LRRIQ1: variants seen among roughly 807,000 people sequenced by gnomAD.
LRRIQ1 encodes the protein leucine-rich repeat- and IQ domain-containing protein 1.
LRRIQ1 carries 210 observed loss-of-function variants against 211.9 expected under a neutral mutation model. That is an observed-to-expected ratio of 0.99 (90% CI 0.89 to 1.11). The LOEUF is 1.11. Ranked by LOEUF, LRRIQ1 falls within the 50% of genes most tolerant of loss-of-function variation. LRRIQ1 has a pLI of 0.00. For missense variants in LRRIQ1, 2,136 were observed against 1,939.5 expected, an observed-to-expected ratio of 1.10 and a Z score of -1.90; for synonymous variants, 699 against 650.1, an observed-to-expected ratio of 1.08 and a Z score of -1.14.
At chr12:85,149,392 A>G (rs1474627855) in intron 19 of LRRIQ1, among the ~76,000 whole-genome samples, 1 of 151,936 alleles carries the variant, frequency 6.6e-6, no homozygotes, top group Admixed American at 6.6e-5. Context: ...TCTCAGCACC[A>G]TTTATTGAAC....
chr12:85,256,177 C>G (rs901662094), intron 1 of LRRIQ1, among the ~76,000 whole-genome samples: 1 of 151,570 alleles, frequency 6.6e-6, no homozygotes, highest in African/African-American at 2.4e-5. Context: ...CAAATTTCAT[C>G]TGTATTTTGT....
At chr12:85,177,612 G>A (rs12582207) in intron 24 of LRRIQ1, among the ~76,000 whole-genome samples, 1 of 152,092 alleles carries the variant, frequency 6.6e-6, no homozygotes, top group Non-Finnish European at 1.5e-5. Flanking sequence ...AACAAGGAGT[G>A]AGATGAAGCT....
intron 11 of LRRIQ1, among the ~76,000 whole-genome samples, chr12:85,089,361 C>T (rs1260468792): frequency 6.6e-6 from 1 of 152,126 alleles, no homozygotes; most frequent in Non-Finnish European, 1.5e-5. Context: ...AACTGCATAA[C>T]AGGGAGACAT....
intron 16 of LRRIQ1, among the ~76,000 whole-genome samples, chr12:85,122,141 G>A (rs1888033095): frequency 6.6e-6 from 1 of 151,876 alleles, no homozygotes; most frequent in African/African-American, 2.4e-5. Flanking sequence ...AAGACAAGAG[G>A]CAAAAATTCA....
intron 1 of LRRIQ1, among the ~76,000 whole-genome samples, chr12:85,256,356 T>C (rs1397075864): frequency 6.6e-6 from 1 of 151,696 alleles, no homozygotes; most frequent in African/African-American, 2.4e-5. Flanking sequence ...CTTTCTTAAA[T>C]TGTTTGACTT....
intron 20 of LRRIQ1, 81 bp downstream of exon 20, chr12:85,152,450 C>G (rs920217589): frequency 2.0e-6 from 2 of 996,912 alleles, no homozygotes; most frequent in Non-Finnish European, 2.9e-6. Context: ...ATTAATAATA[C>G]AATTTATTGA....
chr12:85,245,685 G>A (rs1156588442), downstream of LRRIQ1, among the ~76,000 whole-genome samples: 1 of 150,854 alleles, frequency 6.6e-6, no homozygotes, highest in African/African-American at 2.4e-5. Context: ...TTTAACCCTA[G>A]AGAGTTTGAG....
rs533237063 is a variant in LRRIQ1 at position 85,215,269 on chromosome 12, T to C, written c.4823-14248T>C. On this transcript the variant is annotated intron_variant, in intron 24 of 26. Coordinates refer to ENST00000393217, the MANE Select transcript of LRRIQ1 (RefSeq NM_001079910.2). ...TGACACTCCAGTAGAGTTGAAGATA[T>C]GCATACCCTATCCTCCTTCAAGCAA... 6.6e-5 allele frequency among the ~76,000 whole-genome samples: 10 copies of C among 152,320 alleles called. No individual in the cohort carries two copies. In the East Asian group the frequency reaches 1.9e-3, roughly 29 times the overall value.
rs1213563013 is a variant in LRRIQ1, at chr12:85,055,943, ATAATAT to A, written c.1154_1159del (p.Ile385_Leu386del). On this transcript the variant is annotated inframe_deletion, in exon 8 of 27. Coordinates refer to ENST00000393217, the MANE Select transcript of LRRIQ1 (RefSeq NM_001079910.2). The stretch of plus-strand genomic sequence containing the variant: ...AGAGCAACTAATAAGCAAGGAAAAA[ATAATAT>A]TAAGAGAAGATGCAAGCCAACAGCT... 5 of 1,606,822 alleles carry A rather than the reference ATAATAT, an allele frequency of 3.1e-6. No homozygotes were observed. The African/African-American group carries it at 4.0e-5, about 13-fold the overall frequency.
chr12:85,270,564 T>C, the LRRIQ1 span, among the ~76,000 whole-genome samples: 3 of 152,176 alleles, frequency 2.0e-5, no homozygotes, highest in Non-Finnish European at 4.4e-5. Context: ...ATGTAAATAG[T>C]TGAATCTGTT....
intron 11 of LRRIQ1, among the ~76,000 whole-genome samples, chr12:85,089,129 T>G (rs1885122748): frequency 6.6e-6 from 1 of 152,204 alleles, no homozygotes; most frequent in African/African-American, 2.4e-5. Context: ...ATACCTAATT[T>G]ATTGAGAGTT....
chr12:85,263,660 A>G (rs1896358898), exon 2 of LRRIQ1: 1 of 152,012 alleles, frequency 6.6e-6, no homozygotes, highest in African/African-American at 2.4e-5. Flanking sequence ...TGGATATTTT[A>G]TCTGTAACGT....
At chr12:85,091,061 C>A (rs1885344513) in intron 11 of LRRIQ1, among the ~76,000 whole-genome samples, 1 of 152,078 alleles carries the variant, frequency 6.6e-6, no homozygotes, top group Non-Finnish European at 1.5e-5. Context: ...TGTGTGGCAT[C>A]TGCCCCCTCT....
chr12:85,250,792 A>G (rs576806707), intron 1 of LRRIQ1, among the ~76,000 whole-genome samples: 1 of 122,786 alleles, frequency 8.1e-6, no homozygotes, highest in Admixed American at 1.1e-4. Flanking sequence ...ATATTATATT[A>G]TAGATTATAT....
At chr12:85,184,407 G>A (rs1892134225) in intron 24 of LRRIQ1, among the ~76,000 whole-genome samples, 1 of 151,956 alleles carries the variant, frequency 6.6e-6, no homozygotes, top group Admixed American at 6.6e-5. Flanking sequence ...CACCAGAATA[G>A]TTTGAAAACA....
At chr12:85,055,503 A>C in intron 7 of LRRIQ1, 44 bp from the exon 8 acceptor site, 2 of 1,337,834 alleles carry the variant, frequency 1.5e-6, no homozygotes, top group East Asian at 2.6e-5. Flanking sequence ...GTAACATCTC[A>C]TGTTTAGTTT....
At chr12:85,182,496 A>G (rs542189896) in intron 24 of LRRIQ1, among the ~76,000 whole-genome samples, 1 of 152,256 alleles carries the variant, frequency 6.6e-6, no homozygotes, top group East Asian at 1.9e-4. Context: ...TTGTTTTTTA[A>G]TACACCACAA....
intron 24 of LRRIQ1, among the ~76,000 whole-genome samples, chr12:85,184,181 A>T (rs1308567664): frequency 6.6e-6 from 1 of 152,070 alleles, no homozygotes; most frequent in Non-Finnish European, 1.5e-5. Flanking sequence ...TCTTTCTTTT[A>T]AAGTGGAGTA....
chr12:85,159,656 A>C (rs774211518), intron 23 of LRRIQ1: 19 of 152,054 alleles, frequency 1.2e-4, no homozygotes, highest in Non-Finnish European at 1.9e-4. Flanking sequence ...TAAAAAGGCA[A>C]GAAGAGCAAG....
Sources: gnomAD v4.1 joint callset for allele counts (sites outside exome capture counted in the v4.1 genomes callset) on GRCh38, gnomAD v4.1.1 for gene constraint, MANE v1.5 for transcripts, NCBI Gene and HGNC (gene_info 2026-07-23, HGNC 2026-07-21) for gene names.